The following FTCDNL1 variants were observed in gnomAD, a reference collection of about 807,000 sequenced individuals.
FTCDNL1 encodes formiminotransferase cyclodeaminase N-terminal like.
A neutral mutation model predicts 5.9 loss-of-function variants in FTCDNL1; 11 were observed. The ratio of observed to expected loss-of-function variants is 1.87; its 90% CI spans 1.18 to 3.10. The LOEUF is 3.10. Ranked by LOEUF, FTCDNL1 falls within the 30% of genes most tolerant of loss-of-function variation. The pLI, the probability that FTCDNL1 is intolerant of heterozygous loss-of-function variation, is 0.00. For synonymous variants in FTCDNL1, 58 were observed against 24.8 expected (o/e 2.34, Z -3.99); for missense variants, 115 against 65.5 (o/e 1.76, Z -2.61).
intron 3 of FTCDNL1, among the ~76,000 whole-genome samples, chr2:199,842,006 C>A (rs1302541306): frequency 6.6e-6 from 1 of 152,158 alleles, no homozygotes; most frequent in Non-Finnish European, 1.5e-5. Flanking sequence ...TGCCTGTAAT[C>A]CCAGCACTTT....
chr2:199,755,196 G>T, the FTCDNL1 span, among the ~76,000 whole-genome samples: 1 of 152,206 alleles, frequency 6.6e-6, no homozygotes, highest in Non-Finnish European at 1.5e-5. Context: ...TGGGTACTTG[G>T]TTCATATGCC....
intron 3 of FTCDNL1, among the ~76,000 whole-genome samples, chr2:199,771,033 C>T (rs968120248): frequency 6.6e-6 from 1 of 152,190 alleles, no homozygotes; most frequent in Non-Finnish European, 1.5e-5. Flanking sequence ...AGGCAAGTTC[C>T]TTGTAATGCT....
chr2:199,691,466 A>G, the FTCDNL1 span, among the ~76,000 whole-genome samples: 1 of 152,260 alleles, frequency 6.6e-6, no homozygotes, highest in African/African-American at 2.4e-5. Context: ...AGTTGACAGA[A>G]TAGCCACACA....
the FTCDNL1 span, among the ~76,000 whole-genome samples, chr2:199,698,032 C>T: frequency 6.6e-6 from 1 of 152,118 alleles, no homozygotes; most frequent in African/African-American, 2.4e-5. Flanking sequence ...TCAGAAAGGA[C>T]AAAGAAGGGC....
the FTCDNL1 span, among the ~76,000 whole-genome samples, chr2:199,755,260 G>T: frequency 6.6e-6 from 1 of 152,192 alleles, no homozygotes; most frequent in Non-Finnish European, 1.5e-5. Context: ...GTATCTATCT[G>T]TTCTGTTTAG....
the FTCDNL1 span, among the ~76,000 whole-genome samples, chr2:199,688,230 CAA>C: frequency 2.5e-5 from 3 of 120,254 alleles, no homozygotes; most frequent in African/African-American, 3.3e-5. Context: ...GACTCTGTCT[CAA>C]AAAAAAAAAA....
the FTCDNL1 span, among the ~76,000 whole-genome samples, chr2:199,714,454 CAG>C: frequency 6.6e-6 from 1 of 152,188 alleles, no homozygotes; most frequent in Non-Finnish European, 1.5e-5. Flanking sequence ...CAAATTACAA[CAG>C]GGTAAAAGTA....
chr2:199,694,546 C>T, the FTCDNL1 span, among the ~76,000 whole-genome samples: 1 of 152,154 alleles, frequency 6.6e-6, no homozygotes, highest in Non-Finnish European at 1.5e-5. Context: ...CATTGACTAG[C>T]CATGCACAGA....
At chr2:199,710,980 A>T in the FTCDNL1 span, among the ~76,000 whole-genome samples, 6 of 152,098 alleles carry the variant, frequency 3.9e-5, no homozygotes, top group Admixed American at 3.9e-4. Flanking sequence ...TTTTTTTTTA[A>T]TCTGGGAATT....
At chr2:199,671,045 C>T in the FTCDNL1 span, among the ~76,000 whole-genome samples, 4 of 152,074 alleles carry the variant, frequency 2.6e-5, no homozygotes, top group African/African-American at 9.7e-5. Context: ...GTGGAAAACC[C>T]TGTCTGTGTT....
intron 3 of FTCDNL1, among the ~76,000 whole-genome samples, chr2:199,773,919 T>C (rs2106298100): frequency 6.6e-6 from 1 of 152,332 alleles, no homozygotes; most frequent in Middle Eastern, 3.4e-3. Flanking sequence ...GGTCCCTGGC[T>C]TACAGAGAAA....
downstream of FTCDNL1, among the ~76,000 whole-genome samples, chr2:199,807,080 G>A (rs139255221): frequency 1.4e-4 from 22 of 152,298 alleles, no homozygotes; most frequent in East Asian, 1.4e-3. Context: ...GAAAAGCTGC[G>A]TATGGGTCGG....
Position 199,819,285 on chromosome 2 carries a change from A to G in FTCDNL1, c.397+287T>C, listed in dbSNP as rs541163464. On this transcript the variant is annotated intron_variant, in intron 4 of 4. Coordinates refer to ENST00000420128, the MANE Select transcript of FTCDNL1 (RefSeq NM_001363886.2). ...GCCTCCAGGACCCTGCCCCAGTGCC[A>G]GGAGCTACGAGCATTCTTTTCATCA... 8.6e-5 allele frequency: 32 copies of G among 371,116 alleles called. No individual in the cohort carries two copies. The East Asian group carries it at 1.6e-3, about 19-fold the overall frequency. The allele number at this position is 371,116 out of a possible 1,614,324, so 23.0% of individuals were successfully genotyped here.
chr2:199,702,657 T>C, the FTCDNL1 span, among the ~76,000 whole-genome samples: 2 of 152,322 alleles, frequency 1.3e-5, no homozygotes, highest in South Asian at 4.1e-4. Flanking sequence ...AGAGATAGAA[T>C]GGTAAATAGC....
intron 4 of FTCDNL1, among the ~76,000 whole-genome samples, chr2:199,816,525 G>A (rs1026961415): frequency 6.6e-6 from 1 of 152,140 alleles, no homozygotes; most frequent in African/African-American, 2.4e-5. Context: ...TATGTTGGAA[G>A]CTTTAAGAAT....
intron 3 of FTCDNL1, among the ~76,000 whole-genome samples, chr2:199,792,429 G>A (rs139105099): frequency 1.3e-5 from 2 of 152,224 alleles, no homozygotes; most frequent in Non-Finnish European, 2.9e-5. Flanking sequence ...GTCCAGCAGA[G>A]GACTTTTTGG....
chr2:199,776,628 G>T (rs531137875), intron 3 of FTCDNL1, among the ~76,000 whole-genome samples: 3 of 152,152 alleles, frequency 2.0e-5, no homozygotes, highest in African/African-American at 7.2e-5. Flanking sequence ...GCAAGGGAAG[G>T]TTGGCAGATG....
In FTCDNL1 at chr2:199,788,772, A is replaced by T. The variant is rs183158529; in HGVS notation, c.212-27937T>A. Among the ~76,000 whole-genome samples, 613 of 152,178 alleles carry T rather than the reference A, an allele frequency of 4.0e-3. 1 individual carries two copies. The highest frequency in any genetic ancestry group is 0.016 in the South Asian group (78 of 4,822). The stretch of plus-strand genomic sequence containing the variant: ...CCTCCTTTGAAAAGATTATAAAATG[A>T]TGTTTAAAAAAAAGACTCACAAGCC... On this transcript the variant is annotated intron_variant, in intron 3 of 3. Transcript: ENST00000416668.
intron 3 of FTCDNL1, among the ~76,000 whole-genome samples, chr2:199,835,958 GTC>G (rs1702707189): frequency 6.6e-6 from 1 of 152,154 alleles, no homozygotes; most frequent in Admixed American, 6.5e-5. Flanking sequence ...AACACTGAGT[GTC>G]TTAAGAGACC....
Sources: gnomAD v4.1 joint callset for allele counts (sites outside exome capture counted in the v4.1 genomes callset) on GRCh38, gnomAD v4.1.1 for gene constraint, MANE v1.5 for transcripts, NCBI Gene and HGNC (gene_info 2026-07-23, HGNC 2026-07-21) for gene names.